The following C8orf34 variants were observed in gnomAD, a reference collection of about 807,000 sequenced individuals.
C8orf34 encodes the protein uncharacterized protein C8orf34.
A neutral mutation model predicts 68.3 loss-of-function variants in C8orf34; 65 were observed. The observed-to-expected ratio is 0.95, with a 90% CI of 0.78 to 1.17. C8orf34 has a LOEUF of 1.17. C8orf34 is among the 50% of genes most tolerant of loss of function. The pLI is 0.00. For missense variants in C8orf34, 664 were observed against 655.4 expected (o/e 1.01, Z -0.14); for synonymous variants, 244 against 241.2 (o/e 1.01, Z -0.11).
At chr8:68,438,693 G>A (rs923200000) in intron 1 of C8orf34, 5 of 152,066 alleles carry the variant, frequency 3.3e-5, no homozygotes, top group African/African-American at 1.2e-4. Flanking sequence ...TGATATCCAC[G>A]TGGCTTGACA....
At chr8:68,370,958 T>G (rs1419841133) in intron 1 of C8orf34, among the ~76,000 whole-genome samples, 1 of 152,134 alleles carries the variant, frequency 6.6e-6, no homozygotes, top group African/African-American at 2.4e-5. Flanking sequence ...AGGAGCAAGC[T>G]GGTATCTGAC....
At chr8:68,744,026 G>A (rs2129527340) in intron 10 of C8orf34, among the ~76,000 whole-genome samples, 1 of 152,278 alleles carries the variant, frequency 6.6e-6, no homozygotes, top group Admixed American at 6.5e-5. Flanking sequence ...CCAGCATGCA[G>A]CTGGAGATCT....
intron 7 of C8orf34, among the ~76,000 whole-genome samples, chr8:68,544,489 C>G (rs549553622): frequency 6.6e-5 from 10 of 152,228 alleles, no homozygotes; most frequent in African/African-American, 1.9e-4. Flanking sequence ...GAACAAAACT[C>G]AAAACTCAAC....
chr8:68,544,940 T>A (rs1248495077), intron 7 of C8orf34, among the ~76,000 whole-genome samples: 1 of 152,156 alleles, frequency 6.6e-6, no homozygotes, highest in Non-Finnish European at 1.5e-5. Flanking sequence ...ATTATGCAGA[T>A]AATGAAAGAA....
chr8:68,555,462 G>T (rs574778044), intron 7 of C8orf34, among the ~76,000 whole-genome samples: 1 of 151,878 alleles, frequency 6.6e-6, no homozygotes, highest in African/African-American at 2.4e-5. Context: ...CTTTTTTAAC[G>T]TACATGTCTT....
chr8:68,575,956 G>GGTTTTTTT (rs747862590), intron 7 of C8orf34, among the ~76,000 whole-genome samples: 3 of 96,346 alleles, frequency 3.1e-5, no homozygotes, highest in East Asian at 3.8e-4. Context: ...GTAGATGGTT[G>GGTTTTTTT]TTTTTTTTTT....
At chr8:68,460,608 GA>G (rs1252273389) in intron 3 of C8orf34, among the ~76,000 whole-genome samples, 2 of 152,088 alleles carry the variant, frequency 1.3e-5, no homozygotes, top group Non-Finnish European at 2.9e-5. Context: ...CCAGAGGAAC[GA>G]TCAGACAGCA....
intron 1 of C8orf34, among the ~76,000 whole-genome samples, chr8:68,370,611 A>C (rs1211873176): frequency 6.6e-6 from 1 of 152,132 alleles, no homozygotes; most frequent in African/African-American, 2.4e-5. Context: ...TCACTTCACT[A>C]TGCTTATCTT....
intron 11 of C8orf34, 48 bp from the exon 12 acceptor site, chr8:68,787,395 A>G (rs772535856): frequency 4.6e-6 from 6 of 1,317,168 alleles, no homozygotes; most frequent in Non-Finnish European, 5.4e-6. Context: ...ATTAATGTTC[A>G]TGATATCAAA....
intron 1 of C8orf34, among the ~76,000 whole-genome samples, chr8:68,411,010 C>G (rs1338105061): frequency 6.6e-6 from 1 of 152,192 alleles, no homozygotes; most frequent in South Asian, 2.1e-4. Context: ...CTCTTCTGCT[C>G]TGATGTAACT....
chr8:68,636,371 C>G (rs563138157), intron 7 of C8orf34, among the ~76,000 whole-genome samples: 5 of 150,610 alleles, frequency 3.3e-5, no homozygotes, highest in African/African-American at 1.2e-4. Flanking sequence ...GTCAGGAGAT[C>G]GAGAACATCC....
chr8:68,560,979 T>A (rs572933556), intron 7 of C8orf34, among the ~76,000 whole-genome samples: 11 of 146,200 alleles, frequency 7.5e-5, no homozygotes, highest in African/African-American at 2.5e-4. Context: ...TTAATTTAAT[T>A]TTTTTTTTTT....
At chr8:68,583,785 A>T (rs193018892) in intron 7 of C8orf34, among the ~76,000 whole-genome samples, 103 of 152,278 alleles carry the variant, frequency 6.8e-4, no homozygotes, top group African/African-American at 2.4e-3. Context: ...AAGTTTTCCT[A>T]AAATAATATC....
chr8:68,663,908 G>C (rs1819760439), intron 8 of C8orf34, among the ~76,000 whole-genome samples: 1 of 152,196 alleles, frequency 6.6e-6, no homozygotes. Context: ...GGCAAAGAAA[G>C]TGACTTTTAC....
intron 1 of C8orf34, among the ~76,000 whole-genome samples, chr8:68,375,020 A>T (rs945254208): frequency 2.0e-5 from 3 of 152,212 alleles, no homozygotes; most frequent in African/African-American, 7.2e-5. Flanking sequence ...TTCATGTAGG[A>T]AAAGATGTGA....
chr8:68,490,993 A>G (rs911384135), intron 5 of C8orf34, among the ~76,000 whole-genome samples: 1 of 152,222 alleles, frequency 6.6e-6, no homozygotes, highest in South Asian at 2.1e-4. Flanking sequence ...TTAATGTAAC[A>G]GTAAATATAG....
intron 7 of C8orf34, among the ~76,000 whole-genome samples, chr8:68,536,358 C>CAAAAAAA (rs10696903): frequency 4.7e-4 from 23 of 49,192 alleles, no homozygotes; most frequent in East Asian, 1.4e-3. Context: ...GACCCTATCT[C>CAAAAAAA]AAAAAAAAAA....
chr8:68,661,336 C>A (rs1238453650), intron 8 of C8orf34, among the ~76,000 whole-genome samples: 1 of 152,154 alleles, frequency 6.6e-6, no homozygotes, highest in Non-Finnish European at 1.5e-5. Context: ...AAAGAGGTTT[C>A]TTCTTGGGTC....
rs1346293999 is a variant in C8orf34, at chr8:68,815,883, C to T, written c.1550-3C>T. On this transcript the variant is annotated splice_region_variant and splice_polypyrimidine_tract_variant and intron_variant, in intron 12 of 13. Coordinates refer to ENST00000518698, the MANE Select transcript of C8orf34 (RefSeq NM_052958.4). Reference sequence around the variant, plus strand: ...TATTATCTCTGTTTCTTTTGTTGTGCAGGTTCCGCTGATCTTCTTCTTTGC... The same window carrying T: ...TATTATCTCTGTTTCTTTTGTTGTGTAGGTTCCGCTGATCTTCTTCTTTGC... 6.2e-7 allele frequency: 1 copy of T among 1,613,564 alleles called. No homozygotes were observed. The highest frequency in any genetic ancestry group is 1.3e-5 in the African/African-American group (1 of 74,870).
Sources: gnomAD v4.1 joint callset for allele counts (sites outside exome capture counted in the v4.1 genomes callset) on GRCh38, gnomAD v4.1.1 for gene constraint, MANE v1.5 for transcripts, NCBI Gene and HGNC (gene_info 2026-07-23, HGNC 2026-07-21) for gene names.